The following ZNF790 variants were observed in gnomAD, a reference collection of about 807,000 sequenced individuals.
ZNF790 encodes zinc finger protein 790.
A neutral mutation model predicts 12.1 loss-of-function variants in ZNF790; 8 were observed. The observed-to-expected ratio is 0.66, with a 90% confidence interval of 0.39 to 1.19. ZNF790 has a LOEUF of 1.19. Ranked by LOEUF, ZNF790 falls within the 50% of genes most tolerant of loss-of-function variation. The pLI is 0.01. For missense variants in ZNF790, 707 were observed against 752.2 expected (o/e 0.94, Z 0.70); for synonymous variants, 252 against 244.3 (o/e 1.03, Z -0.29).
chr19:36,850,342 C>T (rs555828649), upstream of ZNF790: 1 of 152,430 alleles, frequency 6.6e-6, no homozygotes, highest in East Asian at 1.9e-4. Context: ...GCCCGGGAGC[C>T]GCCCTCTGAG....
intron 4 of ZNF790, 26 bp downstream of exon 4, chr19:36,823,259 C>T: frequency 6.3e-7 from 1 of 1,594,454 alleles, no homozygotes; most frequent in Non-Finnish European, 8.6e-7. Flanking sequence ...CAATGGCCTC[C>T]TTGTGCGTGT....
intron 1 of ZNF790, among the ~76,000 whole-genome samples, chr19:36,849,790 C>A (rs1012938687): frequency 6.6e-6 from 1 of 151,908 alleles, no homozygotes; most frequent in East Asian, 1.9e-4. Context: ...CAGATCCATA[C>A]ACGATCTTGC....
intron 1 of ZNF790, among the ~76,000 whole-genome samples, chr19:36,827,350 AAGCTTTGGTGC>A (rs1408442295): frequency 2.0e-5 from 3 of 151,630 alleles, no homozygotes; most frequent in African/African-American, 7.3e-5. Context: ...AGGTCTCATG[AAGCTTTGGTGC>A]AGTCTGGGAG....
intron 1 of ZNF790, among the ~76,000 whole-genome samples, chr19:36,837,267 CCT>C (rs1255510360): frequency 2.6e-5 from 4 of 152,154 alleles, no homozygotes; most frequent in African/African-American, 9.7e-5. Flanking sequence ...ACAACCAACT[CCT>C]CTTTTATCTT....
chr19:36,819,077 C>T lies in ZNF790; in HGVS notation c.1267G>A (p.Glu423Lys). 1 of 1,613,958 alleles carries T rather than the reference C, an allele frequency of 6.2e-7. No homozygotes were observed. The highest frequency in any genetic ancestry group is 8.5e-7 in the Non-Finnish European group (1 of 1,179,932). The change falls in exon 5 of 5, where the codon GAA becomes AAA. Residue 423 changes from glutamate to lysine, a missense_variant. Physicochemically the swap from Glu to Lys is moderately conservative, Grantham distance 56. Coordinates refer to ENST00000356725, the MANE Select transcript of ZNF790 (RefSeq NM_206894.4). ...QRIHTGRKPY[E>K]CKQCGKTFTW... ...AAAGTCTTCCCGCATTGCTTACATT[C>T]ATAAGGTTTCCTGCCAGTATGAATT...
intron 1 of ZNF790, among the ~76,000 whole-genome samples, chr19:36,830,006 C>A (rs1275699691): frequency 1.3e-5 from 2 of 152,140 alleles, no homozygotes; most frequent in Non-Finnish European, 2.9e-5. Flanking sequence ...ATGCTCTTAG[C>A]TGTGTTCCGT....
intron 2 of ZNF790, among the ~76,000 whole-genome samples, chr19:36,824,214 G>T (rs564880816): frequency 6.6e-6 from 1 of 151,866 alleles, no homozygotes; most frequent in African/African-American, 2.4e-5. Flanking sequence ...AGTCAGGATG[G>T]TTTTGATCTC....
At chr19:36,824,916 C>T (rs1404624989) in intron 2 of ZNF790, among the ~76,000 whole-genome samples, 2 of 152,198 alleles carry the variant, frequency 1.3e-5, no homozygotes, top group Admixed American at 1.3e-4. Context: ...AAGAGATACA[C>T]TCCCTGGCTG....
chr19:36,837,763 C>G (rs2072075466), intron 1 of ZNF790: 1 of 152,260 alleles, frequency 6.6e-6, no homozygotes, highest in East Asian at 1.9e-4. Context: ...AGCCCTCTAC[C>G]CCAACCTGCT....
intron 1 of ZNF790, among the ~76,000 whole-genome samples, chr19:36,831,466 CAGCTACTTGGGAGACTGAGTCT>C (rs770540162): frequency 3.1e-4 from 47 of 152,114 alleles, no homozygotes; most frequent in Non-Finnish European, 5.6e-4. Context: ...CCTGTGGTCC[CAGCTACTTGGGAGACTGAGTCT>C]AGAAGATTGC....
At chr19:36,834,267 AGAC>A (rs1285139205) in intron 1 of ZNF790, among the ~76,000 whole-genome samples, 2 of 149,422 alleles carry the variant, frequency 1.3e-5, no homozygotes, top group East Asian at 1.9e-4. Flanking sequence ...AAAAAAAAAA[AGAC>A]AGTGAGTAAA....
chr19:36,826,824 A>C (rs2071814781), intron 1 of ZNF790, among the ~76,000 whole-genome samples: 1 of 150,412 alleles, frequency 6.6e-6, no homozygotes, highest in Non-Finnish European at 1.5e-5. Flanking sequence ...TAAGGAGCCC[A>C]AACCAAAACT....
At chr19:36,833,267 C>T (rs764547408) in intron 1 of ZNF790, among the ~76,000 whole-genome samples, 12 of 152,110 alleles carry the variant, frequency 7.9e-5, no homozygotes, top group Admixed American at 4.6e-4. Flanking sequence ...CTCAGACTCC[C>T]GAGTAGCTGG....
chr19:36,827,479 A>G (rs146035831), intron 1 of ZNF790, among the ~76,000 whole-genome samples: 6 of 152,162 alleles, frequency 3.9e-5, no homozygotes, highest in South Asian at 2.1e-4. Flanking sequence ...GCGATTGTCT[A>G]TTGTTTTTCA....
intron 1 of ZNF790, among the ~76,000 whole-genome samples, chr19:36,827,141 C>CACACACACAT (rs1313807327): frequency 7.8e-4 from 66 of 84,436 alleles, no homozygotes; most frequent in African/African-American, 3.4e-3. Context: ...CACACACACA[C>CACACACACAT]ATATATATAT....
At position 36,818,659 on chromosome 19, in the gene ZNF790, T is replaced by C; in HGVS notation, c.1685A>G (p.Tyr562Cys). 1 of 1,612,730 alleles carries C rather than the reference T, an allele frequency of 6.2e-7. No individual in the cohort carries two copies. Residue 562 changes from tyrosine to cysteine, a missense_variant, in exon 5 of 5, where the codon TAT becomes TGT. Tyr to Cys is a radical substitution (Grantham distance 194). Coordinates refer to ENST00000356725, the MANE Select transcript of ZNF790 (RefSeq NM_206894.4). Reference protein sequence around the residue: ...HKKIHTDAEPYGCKKSSHIFS... With the variant: ...HKKIHTDAEPCGCKKSSHIFS... The stretch of plus-strand genomic sequence containing the variant: ...GATGTGGCTACTTTTCTTGCATCCA[T>C]AAGGTTCTGCATCAGTATGAATTTT...
At position 36,818,887 on chromosome 19, in the gene ZNF790, G is replaced by A. The variant is rs1248266112; in HGVS notation, c.1457C>T (p.Thr486Ile). 2 of 1,611,114 alleles carry A rather than the reference G, an allele frequency of 1.2e-6. No individual in the cohort carries two copies. Among genetic ancestry groups the A allele is most frequent in the Non-Finnish European group, 1.7e-6 (2 of 1,178,034 alleles). ...RNYECKECGK[T>I]FFRGSELNRH... is the part of the protein sequence containing the mutation. ...ATTAAGTTCTGAACCACGAAAAAAG[G>A]TCTTTCCACATTCCTTACATTCATA... The change falls in exon 5 of 5, where the codon ACC becomes ATC. Residue 486 changes from threonine (T) to isoleucine (I), a missense_variant. Coordinates refer to ENST00000356725, the MANE Select transcript of ZNF790 (RefSeq NM_206894.4).
chr19:36,831,973 T>C (rs2071952854), intron 1 of ZNF790, among the ~76,000 whole-genome samples: 1 of 152,244 alleles, frequency 6.6e-6, no homozygotes, highest in Admixed American at 6.5e-5. Flanking sequence ...ATCAGACTTC[T>C]GCAGTGCTAA....
intron 1 of ZNF790, among the ~76,000 whole-genome samples, chr19:36,844,434 G>C (rs1241841638): frequency 6.6e-6 from 1 of 151,582 alleles, no homozygotes; most frequent in Non-Finnish European, 1.5e-5. Flanking sequence ...AGAGTAAGTA[G>C]GCAAGGACTT....
Sources: gnomAD v4.1 joint callset for allele counts (sites outside exome capture counted in the v4.1 genomes callset) on GRCh38, gnomAD v4.1.1 for gene constraint, MANE v1.5 for transcripts, NCBI Gene and HGNC (gene_info 2026-07-23, HGNC 2026-07-21) for gene names.